WDR36: variants seen among roughly 807,000 people sequenced by gnomAD.
WDR36 encodes the protein WD repeat-containing protein 36.
A neutral mutation model predicts 112.7 loss-of-function variants in WDR36; 63 were observed. That is an observed-to-expected ratio of 0.56 (90% CI 0.46 to 0.69). The LOEUF is 0.69. Among genes scored for constraint, WDR36 ranks in the 30% least tolerant of loss-of-function variants. The probability of loss-of-function intolerance (pLI) is 0.00; values close to 1 mark genes in which losing one functional copy is unlikely to be tolerated. For synonymous variants in WDR36, 410 were observed against 362.2 expected (o/e 1.13, Z -1.50); for missense variants, 1,226 against 1,070.3 (o/e 1.15, Z -2.03).
chr5:111,093,554 G>A lies in WDR36; in HGVS notation c.162+936G>A, dbSNP rs116618688. Among the ~76,000 whole-genome samples the A allele has an allele frequency of 2.9e-3, 443 of 152,310 alleles. 3 individuals carry two copies. The highest frequency in any genetic ancestry group is 0.01 in the African/African-American group (434 of 41,576). On this transcript the variant is annotated intron_variant, in intron 1 of 22. Coordinates refer to ENST00000513710, the MANE Select transcript of WDR36 (RefSeq NM_139281.3). ...TCTCAGAGTCTGAGCTGGTAATGGAGACAGGGTGGGTTAGAACCATATTAA... is the reference window on the plus strand; with the variant it reads ...TCTCAGAGTCTGAGCTGGTAATGGAAACAGGGTGGGTTAGAACCATATTAA...
intron 3 of WDR36, among the ~76,000 whole-genome samples, chr5:111,097,841 G>C (rs938317950): frequency 2.6e-5 from 4 of 152,202 alleles, no homozygotes; most frequent in African/African-American, 9.6e-5. Flanking sequence ...CTTGGAGTGA[G>C]GTGGTTCCCA....
At chr5:111,104,486 A>T (rs1753184993) in intron 8 of WDR36, 134 bp downstream of exon 8, 1 of 1,418,330 alleles carries the variant, frequency 7.1e-7, no homozygotes, top group Non-Finnish European at 9.9e-7. Context: ...TATAGATGAA[A>T]CAAAAAGCAC....
At chr5:111,123,704 T>C in intron 19 of WDR36, 101 bp from the exon 20 acceptor site, 1 of 1,456,790 alleles carries the variant, frequency 6.9e-7, no homozygotes, top group Non-Finnish European at 9.4e-7. Flanking sequence ...TTCATTCCTC[T>C]TTTACTTTTT....
At chr5:111,104,007 A>C (rs1446243457) in intron 7 of WDR36, 89 bp downstream of exon 7, 1 of 1,525,772 alleles carries the variant, frequency 6.6e-7, no homozygotes, top group Admixed American at 1.9e-5. Context: ...CTGGTAGCTT[A>C]ATCTAATAGA....
At chr5:111,108,164 A>G (rs1753256323) in intron 12 of WDR36, among the ~76,000 whole-genome samples, 1 of 151,352 alleles carries the variant, frequency 6.6e-6, no homozygotes, top group Non-Finnish European at 1.5e-5. Context: ...AGTTGTTTGT[A>G]TATAAGTCTT....
At chr5:111,099,687 A>G (rs1303276830) in intron 4 of WDR36, among the ~76,000 whole-genome samples, 1 of 151,994 alleles carries the variant, frequency 6.6e-6, no homozygotes, top group East Asian at 1.9e-4. Flanking sequence ...CTCTTGAACC[A>G]GTATATTCAG....
chr5:111,100,790 T>G, intron 5 of WDR36, 69 bp downstream of exon 5: 4 of 1,463,678 alleles, frequency 2.7e-6, no homozygotes, highest in Non-Finnish European at 3.8e-6. Context: ...TAATGTATAC[T>G]TAAGTCTCAT....
intron 19 of WDR36, 50 bp from the exon 20 acceptor site, chr5:111,123,755 A>G (rs1324838359): frequency 6.9e-6 from 11 of 1,602,832 alleles, no homozygotes; most frequent in Admixed American, 1.7e-5. Context: ...AATATGAGAA[A>G]CTGTTGGCAA....
intron 1 of WDR36, among the ~76,000 whole-genome samples, chr5:111,093,235 T>G (rs1752905523): frequency 1.3e-5 from 2 of 152,224 alleles, no homozygotes; most frequent in Non-Finnish European, 2.9e-5. Context: ...TTAGTGATGA[T>G]TTTTTCTCCT....
Position 111,104,569 on chromosome 5 carries a change from T to C in WDR36, c.907-128T>C, listed in dbSNP as rs1459990139. 4.1e-6 allele frequency: 6 copies of C among 1,465,226 alleles called. No individual in the cohort carries two copies. The African/African-American group carries it at 8.4e-5, about 20-fold the overall frequency. The allele number at this position is 1,465,226 out of a possible 1,614,324, so 90.8% of individuals were successfully genotyped here. A position where few individuals can be genotyped will look rare whatever the true frequency, so the allele number is the denominator to read the frequency against. ...TCTCCCCCAATACCCACTCCCTCCCTTGTAGCTCCAGAGTCAGTGGCTTAG... is the reference window on the plus strand; with the variant it reads ...TCTCCCCCAATACCCACTCCCTCCCCTGTAGCTCCAGAGTCAGTGGCTTAG... On this transcript the variant is annotated intron_variant, in intron 8 of 22. Coordinates refer to ENST00000513710, the MANE Select transcript of WDR36 (RefSeq NM_139281.3).
At position 111,128,989 on chromosome 5, in the gene WDR36, T is replaced by C. The variant is rs192008817; in HGVS notation, c.*2106T>C. 265 of 194,076 alleles carry C rather than the reference T, an allele frequency of 1.4e-3. 1 individual carries two copies. Among genetic ancestry groups the C allele is most frequent in the Non-Finnish European group, 1.9e-3 (174 of 93,040 alleles). The allele number at this position is 194,076 out of a possible 1,614,324, so 12.0% of individuals were successfully genotyped here. Reference sequence around the variant, plus strand: ...TTAATGTAGGAATGTGTATATATTATCTACAGCCACAGGAAATGTATAGTT... The same window carrying C: ...TTAATGTAGGAATGTGTATATATTACCTACAGCCACAGGAAATGTATAGTT... On this transcript the variant is annotated 3_prime_UTR_variant, in exon 23 of 23. Transcript: ENST00000513710.
At position 111,127,647 on chromosome 5, in the gene WDR36, C is replaced by G. The variant is rs2112595503; in HGVS notation, c.*764C>G. On this transcript the variant is annotated 3_prime_UTR_variant, in exon 23 of 23. Coordinates refer to ENST00000513710, the MANE Select transcript of WDR36 (RefSeq NM_139281.3). ...TGTAATGTACTGAAAGGAAGTTGTT[C>G]ATGGATCAGAAATGTGGGAGGCCCT... The G allele has an allele frequency of 4.7e-6, 1 of 210,596 alleles. No homozygotes were observed. Among genetic ancestry groups the G allele is most frequent in the Admixed American group, 5.9e-5 (1 of 16,990 alleles). 13.0% of individuals were successfully genotyped at this position (210,596 alleles called of 1,614,324 possible).
At chr5:111,111,486 A>G in intron 15 of WDR36, 1 of 504,100 alleles carries the variant, frequency 2.0e-6, no homozygotes, top group Non-Finnish European at 3.6e-6. Flanking sequence ...TAAGTTTTAG[A>G]ACTCATCTTT....
At chr5:111,105,702 T>A (rs1363322306) in intron 10 of WDR36, among the ~76,000 whole-genome samples, 2 of 151,404 alleles carry the variant, frequency 1.3e-5, no homozygotes, top group African/African-American at 2.4e-5. Context: ...GCATCCAATA[T>A]TTTTGCTTTA....
intron 10 of WDR36, 59 bp from the exon 11 acceptor site, chr5:111,105,998 T>A: frequency 7.5e-7 from 1 of 1,331,036 alleles, no homozygotes; most frequent in Non-Finnish European, 1.1e-6. Flanking sequence ...TTCTTTTATA[T>A]ACACTTTTTA....
chr5:111,117,929 C>T (rs1192085563), intron 16 of WDR36, among the ~76,000 whole-genome samples: 1 of 152,108 alleles, frequency 6.6e-6, no homozygotes, highest in Non-Finnish European at 1.5e-5. Context: ...CTCTTTGCTT[C>T]TTAAATCTAC....
rs1171076810 is a variant in WDR36, at chr5:111,128,601, T to C, written c.*1718T>C. On this transcript the variant is annotated 3_prime_UTR_variant, in exon 23 of 23. Coordinates refer to ENST00000513710, the MANE Select transcript of WDR36 (RefSeq NM_139281.3). ...TGATAAGAGCTGTGAACTGAAATTGTATTGCTTACAGAAATCATGAACCGA... is the reference window on the plus strand; with the variant it reads ...TGATAAGAGCTGTGAACTGAAATTGCATTGCTTACAGAAATCATGAACCGA... 5.5e-6 allele frequency: 1 copy of C among 180,270 alleles called. No homozygotes were observed. The highest frequency in any genetic ancestry group is 2.0e-4 in the South Asian group (1 of 5,056). 11.2% of individuals were successfully genotyped at this position (180,270 alleles called of 1,614,324 possible).
intron 3 of WDR36, 100 bp from the exon 4 acceptor site, chr5:111,098,622 C>A: frequency 1.2e-6 from 1 of 835,638 alleles, no homozygotes; most frequent in Non-Finnish European, 2.1e-6. Context: ...CATTTCTTAA[C>A]AGAAGCATCT....
At chr5:111,102,642 A>G (rs779866638) in intron 6 of WDR36, among the ~76,000 whole-genome samples, 2 of 151,702 alleles carry the variant, frequency 1.3e-5, no homozygotes, top group African/African-American at 2.4e-5. Context: ...TGTGGTTGCT[A>G]TGGATCCTTG....
Sources: allele counts gnomAD v4.1 joint callset (sites outside exome capture counted in the v4.1 genomes callset), GRCh38; gene constraint gnomAD v4.1.1; transcripts MANE v1.5; gene names NCBI Gene and HGNC (gene_info 2026-07-23, HGNC 2026-07-21).